The following CORIN variants were observed in gnomAD, a reference collection of about 807,000 sequenced individuals.
CORIN encodes the protein atrial natriuretic peptide-converting enzyme.
CORIN carries 117 observed loss-of-function variants against 125.3 expected under a neutral mutation model. The ratio of observed to expected loss-of-function variants is 0.93; its 90% CI spans 0.80 to 1.09. The LOEUF (loss-of-function observed/expected upper bound fraction) is 1.09, where lower values mean the gene tolerates loss of function less well. Ranked by LOEUF, CORIN falls within the 50% of genes least tolerant of loss-of-function variation. The pLI is 0.00. For missense variants in CORIN, 1,253 were observed against 1,306.7 expected, an observed-to-expected ratio of 0.96 and a Z score of 0.63; for synonymous variants, 450 against 466.4, an observed-to-expected ratio of 0.96 and a Z score of 0.45.
intron 3 of CORIN, among the ~76,000 whole-genome samples, chr4:47,783,107 T>A (rs1420951323): frequency 6.6e-6 from 1 of 152,118 alleles, no homozygotes; most frequent in Non-Finnish European, 1.5e-5. Flanking sequence ...TATTTTATTG[T>A]GTTCCATATT....
chr4:47,649,539 G>C (rs1723647052), intron 13 of CORIN, among the ~76,000 whole-genome samples: 1 of 152,234 alleles, frequency 6.6e-6, no homozygotes, highest in Non-Finnish European at 1.5e-5. Flanking sequence ...AGGATGAACA[G>C]GGCATGTTAT....
At chr4:47,696,879 G>A (rs1726033832) in intron 5 of CORIN, among the ~76,000 whole-genome samples, 1 of 152,094 alleles carries the variant, frequency 6.6e-6, no homozygotes, top group African/African-American at 2.4e-5. Flanking sequence ...TATTATTCTG[G>A]TTGTTAACTT....
intron 6 of CORIN, among the ~76,000 whole-genome samples, chr4:47,684,590 G>A (rs1244803749): frequency 2.6e-5 from 4 of 152,060 alleles, no homozygotes; most frequent in Non-Finnish European, 5.9e-5. Flanking sequence ...TATGAAATTG[G>A]GACAAAATCA....
At position 47,594,098 on chromosome 4, in the gene CORIN, C is replaced by T. The variant is rs775153140; in HGVS notation, c.*1623G>A. On this transcript the variant is annotated 3_prime_UTR_variant, in exon 22 of 22. Transcript: ENST00000273857. ...AAGTTGAGCAGGCTAAAAGTTGATA[C>T]ATTGAGTATGTAGCTACAACTGTAA... The T allele has an allele frequency of 5.3e-5, 8 of 151,836 alleles. No homozygotes were observed. The highest frequency in any genetic ancestry group is 1.0e-4 in the Non-Finnish European group (7 of 67,962). The allele number at this position is 151,836 out of a possible 1,614,324, so 9.4% of individuals were successfully genotyped here.
At chr4:47,736,779 C>T (rs939461182) in intron 5 of CORIN, among the ~76,000 whole-genome samples, 1 of 152,308 alleles carries the variant, frequency 6.6e-6, no homozygotes, top group South Asian at 2.1e-4. Flanking sequence ...CAGTTCTTGG[C>T]ATGGTGCTAC....
At chr4:47,661,999 T>C (rs1240376444) in intron 11 of CORIN, 143 bp from the exon 12 acceptor site, 14 of 774,690 alleles carry the variant, frequency 1.8e-5, no homozygotes, top group Non-Finnish European at 2.5e-5. Context: ...ATATATATGA[T>C]AGGTATTTGG....
At chr4:47,706,935 G>A (rs1006381105) in intron 5 of CORIN, 39 of 1,599,408 alleles carry the variant, frequency 2.4e-5, no homozygotes, top group Non-Finnish European at 3.2e-5. Context: ...TGTGGTTCTC[G>A]CCGGGCAGCT....
chr4:47,718,508 A>T (rs551254156), intron 5 of CORIN, among the ~76,000 whole-genome samples: 1 of 152,360 alleles, frequency 6.6e-6, no homozygotes, highest in East Asian at 1.9e-4. Context: ...GCGTGCAATA[A>T]AAGTTAGCTA....
chr4:47,620,880 C>A (rs903549619), intron 19 of CORIN, among the ~76,000 whole-genome samples: 2 of 151,896 alleles, frequency 1.3e-5, no homozygotes, highest in African/African-American at 4.8e-5. Context: ...AGTGGTCACA[C>A]AATAATTGGC....
chr4:47,651,666 T>G (rs1347361226), intron 13 of CORIN, among the ~76,000 whole-genome samples: 4 of 152,248 alleles, frequency 2.6e-5, no homozygotes, highest in Non-Finnish European at 5.9e-5. Context: ...TTTCCTTAAC[T>G]AGAGCTCTCA....
intron 19 of CORIN, among the ~76,000 whole-genome samples, chr4:47,606,371 G>A (rs1721644430): frequency 6.6e-6 from 1 of 151,996 alleles, no homozygotes; most frequent in African/African-American, 2.4e-5. Context: ...ACTGGCCTCA[G>A]CCCCCCACCA....
chr4:47,758,984 T>C lies in CORIN; in HGVS notation c.617+4395A>G, dbSNP rs549052026. Among the ~76,000 whole-genome samples the C allele has an allele frequency of 3.9e-5, 6 of 152,286 alleles. No homozygotes were observed. In the South Asian group the frequency reaches 1.2e-3, roughly 32 times the overall value. ...ATAACACATAGTAACTGAAACAGTA[T>C]GGTATTGGTATAAAAACAGTCACAT... On this transcript the variant is annotated intron_variant, in intron 4 of 21. Coordinates refer to ENST00000273857, the MANE Select transcript of CORIN (RefSeq NM_006587.4).
At chr4:47,720,194 T>C (rs976884875) in intron 5 of CORIN, among the ~76,000 whole-genome samples, 3 of 152,172 alleles carry the variant, frequency 2.0e-5, no homozygotes, top group Non-Finnish European at 4.4e-5. Flanking sequence ...AATAAAAATA[T>C]TTTGAGGCTC....
intron 3 of CORIN, among the ~76,000 whole-genome samples, chr4:47,769,302 T>C (rs1729910502): frequency 6.6e-6 from 1 of 151,780 alleles, no homozygotes; most frequent in African/African-American, 2.4e-5. Context: ...AAAAAAATAC[T>C]TAGGAATAAA....
intron 19 of CORIN, among the ~76,000 whole-genome samples, chr4:47,607,698 G>C (rs1000684532): frequency 7.9e-5 from 12 of 152,120 alleles, no homozygotes; most frequent in Admixed American, 2.0e-4. Flanking sequence ...CAGGAGTAAT[G>C]GCAAAGACAG....
intron 4 of CORIN, among the ~76,000 whole-genome samples, chr4:47,754,859 G>A (rs1299779063): frequency 3.9e-5 from 6 of 152,108 alleles, no homozygotes; most frequent in Non-Finnish European, 8.8e-5. Flanking sequence ...TGTTGCTACT[G>A]GATATGATCC....
chr4:47,677,129 G>A (rs1725059040), intron 9 of CORIN, among the ~76,000 whole-genome samples: 1 of 152,148 alleles, frequency 6.6e-6, no homozygotes, highest in Non-Finnish European at 1.5e-5. Flanking sequence ...TGTAATAAAA[G>A]CTCACATATA....
At chr4:47,610,565 T>C (rs1721831064) in intron 19 of CORIN, among the ~76,000 whole-genome samples, 2 of 152,208 alleles carry the variant, frequency 1.3e-5, no homozygotes, top group South Asian at 2.1e-4. Context: ...AATATGATGA[T>C]AGCTTCTTTT....
At chr4:47,633,267 ATATT>A (rs929754958) in intron 16 of CORIN, among the ~76,000 whole-genome samples, 3 of 152,190 alleles carry the variant, frequency 2.0e-5, no homozygotes, top group Non-Finnish European at 2.9e-5. Flanking sequence ...ACAAAACTAA[ATATT>A]TAATCCATTT....
Sources: gnomAD v4.1 joint callset for allele counts (sites outside exome capture counted in the v4.1 genomes callset) on GRCh38, gnomAD v4.1.1 for gene constraint, MANE v1.5 for transcripts, NCBI Gene and HGNC (gene_info 2026-07-23, HGNC 2026-07-21) for gene names.